ABHD18: variants seen among roughly 807,000 people sequenced by gnomAD.
ABHD18 encodes cardiolipin-specific deacylase, mitochondrial.
Under a neutral mutation model 65.9 loss-of-function variants are expected in ABHD18, and 55 were observed. That is an observed-to-expected ratio of 0.84 (90% CI 0.67 to 1.05). ABHD18 has a LOEUF of 1.05. ABHD18 is among the 50% of genes least tolerant of loss of function. The pLI is 0.00. For missense variants in ABHD18, 533 were observed against 558.5 expected (o/e 0.95, Z 0.46); for synonymous variants, 181 against 180.2 (o/e 1.00, Z -0.04).
At chr4:127,986,741 A>G (rs1360724246) in intron 3 of ABHD18, among the ~76,000 whole-genome samples, 2 of 152,208 alleles carry the variant, frequency 1.3e-5, no homozygotes, top group African/African-American at 4.8e-5. Context: ...CCAAGCCATC[A>G]TAGTGGGTAT....
At chr4:128,035,391 G>A (rs1433094619) in intron 12 of ABHD18, among the ~76,000 whole-genome samples, 3 of 152,038 alleles carry the variant, frequency 2.0e-5, no homozygotes, top group Admixed American at 6.6e-5. Context: ...AGCCAACATG[G>A]TGATACCCCG....
intron 12 of ABHD18, among the ~76,000 whole-genome samples, chr4:128,034,236 C>T (rs764405116): frequency 1.3e-5 from 2 of 152,086 alleles, no homozygotes; most frequent in Non-Finnish European, 2.9e-5. Context: ...GGATTACAGG[C>T]GTAAGCCACC....
At chr4:128,003,391 A>G (rs943611424) in intron 4 of ABHD18, among the ~76,000 whole-genome samples, 1 of 151,990 alleles carries the variant, frequency 6.6e-6, no homozygotes, top group Admixed American at 6.6e-5. Context: ...AATTAATCCA[A>G]ATAATACAGA....
chr4:127,987,647 G>A (rs1750199179), intron 3 of ABHD18, among the ~76,000 whole-genome samples: 1 of 151,830 alleles, frequency 6.6e-6, no homozygotes, highest in Admixed American at 6.6e-5. Flanking sequence ...GGGAGGCAGA[G>A]GTTGCAGTGA....
chr4:127,978,422 G>C (rs564333238), intron 1 of ABHD18, among the ~76,000 whole-genome samples: 47 of 152,240 alleles, frequency 3.1e-4, no homozygotes, highest in African/African-American at 9.6e-4. Flanking sequence ...ACAGCGTATT[G>C]AGGAGTTCTG....
At chr4:128,018,839 C>T (rs1381148011) in intron 8 of ABHD18, among the ~76,000 whole-genome samples, 1 of 151,812 alleles carries the variant, frequency 6.6e-6, no homozygotes. Context: ...CATGGTGAAA[C>T]CCCGTCTCTA....
intron 4 of ABHD18, among the ~76,000 whole-genome samples, chr4:128,007,265 G>A (rs1438518641): frequency 1.3e-5 from 2 of 150,594 alleles, no homozygotes; most frequent in Non-Finnish European, 2.9e-5. Flanking sequence ...GCTGCAGTGA[G>A]CTGTAATTGT....
intron 1 of ABHD18, among the ~76,000 whole-genome samples, chr4:127,980,092 T>C (rs1214286045): frequency 1.3e-5 from 2 of 152,178 alleles, no homozygotes; most frequent in Non-Finnish European, 2.9e-5. Flanking sequence ...AGTTCACGTG[T>C]TGGAAACATA....
chr4:128,027,440 C>T (rs1757538175), intron 10 of ABHD18, among the ~76,000 whole-genome samples: 1 of 151,330 alleles, frequency 6.6e-6, no homozygotes, highest in South Asian at 2.1e-4. Flanking sequence ...GAGTCTCACT[C>T]TGTCGCCCAG....
At chr4:128,011,066 A>T (rs1754447560) in intron 6 of ABHD18, among the ~76,000 whole-genome samples, 1 of 152,176 alleles carries the variant, frequency 6.6e-6, no homozygotes, top group Non-Finnish European at 1.5e-5. Flanking sequence ...TTCATTTTAA[A>T]TTTAAATTGA....
intron 12 of ABHD18, among the ~76,000 whole-genome samples, chr4:128,032,950 G>GA (rs1487381721): frequency 2.0e-5 from 3 of 151,700 alleles, no homozygotes; most frequent in African/African-American, 7.3e-5. Flanking sequence ...TAACTCTGAG[G>GA]AAAAAAATTA....
At chr4:127,978,699 G>T (rs953785952) in intron 1 of ABHD18, among the ~76,000 whole-genome samples, 2 of 152,086 alleles carry the variant, frequency 1.3e-5, no homozygotes, top group African/African-American at 4.8e-5. Flanking sequence ...TTACAAAAAG[G>T]CTAAGTGACT....
intron 1 of ABHD18, among the ~76,000 whole-genome samples, chr4:127,971,763 C>T (rs907181581): frequency 1.3e-5 from 2 of 152,270 alleles, no homozygotes; most frequent in East Asian, 1.9e-4. Context: ...GCTGGGATTA[C>T]AGGCGTGAGC....
At chr4:127,997,062 G>A (rs1284064516) in intron 4 of ABHD18, among the ~76,000 whole-genome samples, 1 of 152,178 alleles carries the variant, frequency 6.6e-6, no homozygotes, top group Admixed American at 6.5e-5. Context: ...AGTAAAGACA[G>A]GCATAAGAAA....
At chr4:127,994,429 C>G (rs542590816) in intron 4 of ABHD18, among the ~76,000 whole-genome samples, 26 of 152,134 alleles carry the variant, frequency 1.7e-4, no homozygotes, top group African/African-American at 6.0e-4. Context: ...AATCCTATCT[C>G]TACAAAAATT....
In ABHD18 at chr4:128,037,078, C is replaced by T. The variant is rs1464232350; in HGVS notation, c.*1265C>T. ...AGGTTGCACTGAGCTGAGATTGCGC[C>T]ACTGCACTCCAGCCTGGGCAACAGA... On this transcript the variant is annotated 3_prime_UTR_variant, in exon 13 of 13. Transcript: ENST00000645843. 7.3e-6 allele frequency: 1 copy of T among 136,598 alleles called. No homozygotes were observed. The highest frequency in any genetic ancestry group is 1.5e-5 in the Non-Finnish European group (1 of 66,186). The allele number at this position is 136,598 out of a possible 1,614,324, so 8.5% of individuals were successfully genotyped here.
intron 1 of ABHD18, among the ~76,000 whole-genome samples, chr4:127,969,937 C>A (rs565905248): frequency 6.6e-6 from 1 of 151,992 alleles, no homozygotes; most frequent in African/African-American, 2.4e-5. Context: ...TTTGTAGAGA[C>A]AGGGTCTCAT....
intron 4 of ABHD18, among the ~76,000 whole-genome samples, chr4:127,997,584 T>C (rs1019239038): frequency 1.3e-5 from 2 of 152,200 alleles, no homozygotes; most frequent in African/African-American, 4.8e-5. Flanking sequence ...AAGCTATGTA[T>C]TTGCCTTTTG....
chr4:128,024,415 A>G (rs1016885225), intron 10 of ABHD18, among the ~76,000 whole-genome samples: 1 of 152,186 alleles, frequency 6.6e-6, no homozygotes, highest in Admixed American at 6.5e-5. Context: ...TTTGGGGGAC[A>G]TATTTAAACC....
Sources: allele counts gnomAD v4.1 joint callset (sites outside exome capture counted in the v4.1 genomes callset), GRCh38; gene constraint gnomAD v4.1.1; transcripts MANE v1.5; gene names NCBI Gene and HGNC (gene_info 2026-07-23, HGNC 2026-07-21).